The following KIF2A variants were observed in gnomAD, a reference collection of about 807,000 sequenced individuals.
KIF2A encodes kinesin-like protein KIF2A.
A neutral mutation model predicts 100.2 loss-of-function variants in KIF2A; 22 were observed. The observed-to-expected ratio is 0.22, with a 90% CI of 0.16 to 0.31. The LOEUF is 0.31. Ranked by LOEUF, KIF2A falls within the 10% of genes least tolerant of loss-of-function variation. KIF2A has a pLI of 1.00. For synonymous variants in KIF2A, 268 were observed against 285.9 expected, an observed-to-expected ratio of 0.94 and a Z score of 0.63; for missense variants, 495 against 898.7, an observed-to-expected ratio of 0.55 and a Z score of 5.74.
At chr5:62,318,149 C>T (rs1745915002) in intron 1 of KIF2A, among the ~76,000 whole-genome samples, 1 of 151,978 alleles carries the variant, frequency 6.6e-6, no homozygotes, top group Admixed American at 6.6e-5. Flanking sequence ...GTGGCGCAAT[C>T]TCAGCTCACT....
intron 1 of KIF2A, among the ~76,000 whole-genome samples, chr5:62,334,466 T>TGG (rs1746827043): frequency 6.6e-6 from 1 of 151,726 alleles, no homozygotes; most frequent in African/African-American, 2.4e-5. Context: ...ACTACCTTCC[T>TGG]GGGCCAGCCC....
Position 62,389,987 on chromosome 5 carries a change from G to C in KIF2A, c.*4418G>C, listed in dbSNP as rs1187196534. ...ATTTATGAATAGTATTCAATGCCTA[G>C]GATTAACATCTAAAATGACTCAGTA... On this transcript the variant is annotated 3_prime_UTR_variant, in exon 21 of 21. Coordinates refer to ENST00000407818, the MANE Select transcript of KIF2A (RefSeq NM_001098511.3). Among the ~76,000 whole-genome samples the C allele has an allele frequency of 3.3e-5, 5 of 152,118 alleles. No homozygotes were observed. The highest frequency in any genetic ancestry group is 5.9e-5 in the Non-Finnish European group (4 of 68,022).
intron 14 of KIF2A, 54 bp from the exon 15 acceptor site, chr5:62,365,189 G>T (rs947870294): frequency 3.4e-6 from 3 of 882,066 alleles, no homozygotes; most frequent in Non-Finnish European, 5.3e-6. Flanking sequence ...TGTTAATTAA[G>T]ATTATCCTTT....
At chr5:62,308,299 A>G (rs1745407746) in intron 1 of KIF2A, 11 of 1,374,942 alleles carry the variant, frequency 8.0e-6, no homozygotes, top group Non-Finnish European at 1.0e-5. Context: ...TGTTAATGTC[A>G]TTTTTTTAGG....
chr5:62,306,500 C>T lies in KIF2A; in HGVS notation c.28C>T (p.Gln10Ter). ...GGCAACGGCCAACTTCGGCAAGATC[C>T]AGATCGGGATTTACGTGGAGATCAA... MATANFGKIQIGIYVEIKRS... is the reference protein window; with the variant it reads MATANFGKI The change falls in exon 1 of 21, where the codon CAG becomes TAG. Residue 10 changes from glutamine (Q) to a stop codon, truncating the protein, a stop_gained. Transcript: ENST00000407818. LOFTEE classifies it high-confidence loss of function. 1 of 1,546,636 alleles carries T rather than the reference C, an allele frequency of 6.5e-7. No individual in the cohort carries two copies. The highest frequency in any genetic ancestry group is 8.7e-7 in the Non-Finnish European group (1 of 1,145,210).
At chr5:62,326,364 G>A (rs1372910576) in intron 1 of KIF2A, among the ~76,000 whole-genome samples, 4 of 151,940 alleles carry the variant, frequency 2.6e-5, no homozygotes, top group Non-Finnish European at 4.4e-5. Flanking sequence ...CCTTGAGGAT[G>A]TTTGCTCCTG....
intron 1 of KIF2A, among the ~76,000 whole-genome samples, chr5:62,337,213 C>T (rs137957751): frequency 5.1e-4 from 78 of 152,260 alleles, no homozygotes; most frequent in Non-Finnish European, 1.0e-3. Flanking sequence ...TATAACCAGC[C>T]GGGCACGGTG....
intron 12 of KIF2A, among the ~76,000 whole-genome samples, chr5:62,362,908 C>T (rs920768783): frequency 6.6e-6 from 1 of 152,148 alleles, no homozygotes; most frequent in East Asian, 1.9e-4. Flanking sequence ...CTAACTGTAG[C>T]TTCAATCTCC....
At chr5:62,319,377 A>C (rs1488623683) in intron 1 of KIF2A, among the ~76,000 whole-genome samples, 1 of 152,136 alleles carries the variant, frequency 6.6e-6, no homozygotes, top group Non-Finnish European at 1.5e-5. Context: ...CTTCAGTCTT[A>C]TTCTTGCTGC....
intron 4 of KIF2A, among the ~76,000 whole-genome samples, chr5:62,351,124 C>T (rs776340127): frequency 6.0e-5 from 9 of 149,500 alleles, no homozygotes; most frequent in East Asian, 2.0e-4. Flanking sequence ...CTCAGCTACT[C>T]GGGAGGCTGA....
In KIF2A at chr5:62,389,871, AAG is replaced by A. The variant is rs1411105214; in HGVS notation, c.*4306_*4307del. On this transcript the variant is annotated 3_prime_UTR_variant, in exon 21 of 21. Transcript: ENST00000407818. The stretch of plus-strand genomic sequence containing the variant: ...AGGAAATTTAGTGAAAATGAAGAAA[AAG>A]AGAAAATATTTCTCTTTAGACCTGA... Among the ~76,000 whole-genome samples, 2 of 152,234 alleles carry A rather than the reference AAG, an allele frequency of 1.3e-5. No individual in the cohort carries two copies. The highest frequency in any genetic ancestry group is 4.8e-5 in the African/African-American group (2 of 41,456).
intron 1 of KIF2A, among the ~76,000 whole-genome samples, chr5:62,343,092 C>T (rs1747383584): frequency 6.6e-6 from 1 of 152,144 alleles, no homozygotes; most frequent in African/African-American, 2.4e-5. Context: ...TTTCCTCCCC[C>T]TTTTATCTTT....
At chr5:62,379,531 G>A (rs889551575) in intron 19 of KIF2A, among the ~76,000 whole-genome samples, 8 of 151,942 alleles carry the variant, frequency 5.3e-5, no homozygotes, top group African/African-American at 9.7e-5. Context: ...GCATGGTGGC[G>A]CATGCCTGTA....
At chr5:62,339,712 TTA>T (rs903638376) in intron 1 of KIF2A, among the ~76,000 whole-genome samples, 1 of 150,668 alleles carries the variant, frequency 6.6e-6, no homozygotes, top group African/African-American at 2.4e-5. Context: ...TGAAAATGAG[TTA>T]TATACATTTT....
At chr5:62,319,543 A>G (rs551758318) in intron 1 of KIF2A, among the ~76,000 whole-genome samples, 36 of 152,310 alleles carry the variant, frequency 2.4e-4, no homozygotes, top group Middle Eastern at 6.8e-3. Flanking sequence ...GCTCTGTCAA[A>G]AAACTCATTG....
At chr5:62,327,125 G>A (rs1436207105) in intron 1 of KIF2A, among the ~76,000 whole-genome samples, 50 of 151,874 alleles carry the variant, frequency 3.3e-4, no homozygotes, top group Admixed American at 3.3e-3. Context: ...CTTTTTCTCT[G>A]GTAAATTCTT....
Position 62,385,834 on chromosome 5 carries a change from GT to G in KIF2A, c.*269del, listed in dbSNP as rs1580112485. The stretch of plus-strand genomic sequence containing the variant: ...GATTTACTTTTGGAGATCCTTGTCA[GT>G]TTTATTTTCTATTTGATGAAGTAAG... On this transcript the variant is annotated 3_prime_UTR_variant, in exon 21 of 21. Transcript: ENST00000407818. 8 of 432,470 alleles carry G rather than the reference GT, an allele frequency of 1.8e-5. No individual in the cohort carries two copies. Among genetic ancestry groups the G allele is most frequent in the Non-Finnish European group, 3.4e-5 (8 of 237,332 alleles). The allele number at this position is 432,470 out of a possible 1,614,324, so 26.8% of individuals were successfully genotyped here.
intron 9 of KIF2A, among the ~76,000 whole-genome samples, chr5:62,359,212 A>C (rs1035640498): frequency 1.3e-5 from 2 of 152,134 alleles, no homozygotes; most frequent in Non-Finnish European, 2.9e-5. Flanking sequence ...TTCATACGTA[A>C]GTTTGCAAAC....
At chr5:62,332,570 A>C (rs946899115) in intron 1 of KIF2A, among the ~76,000 whole-genome samples, 1 of 152,130 alleles carries the variant, frequency 6.6e-6, no homozygotes, top group African/African-American at 2.4e-5. Flanking sequence ...AGCAGATTTT[A>C]TTTATATAAA....
Sources: allele counts gnomAD v4.1 joint callset (sites outside exome capture counted in the v4.1 genomes callset), GRCh38; gene constraint gnomAD v4.1.1; transcripts MANE v1.5; gene names NCBI Gene and HGNC (gene_info 2026-07-23, HGNC 2026-07-21).